Variants in CA10 observed in about 807,000 individuals in gnomAD.
CA10 encodes the protein carbonic anhydrase-related protein 10.
In CA10, 14 loss-of-function variants were observed where a neutral mutation model predicts 44.2. The observed-to-expected ratio is 0.32, with a 90% CI of 0.21 to 0.50. CA10 has a LOEUF of 0.50. CA10 is among the 20% of genes least tolerant of loss of function. CA10 has a pLI of 0.99. For missense variants in CA10, 350 were observed against 409.7 expected, an observed-to-expected ratio of 0.85 and a Z score of 1.26; for synonymous variants, 159 against 141.6, an observed-to-expected ratio of 1.12 and a Z score of -0.87.
intron 1 of CA10, among the ~76,000 whole-genome samples, chr17:52,091,971 C>T (rs1040931645): frequency 2.0e-5 from 3 of 152,198 alleles, no homozygotes; most frequent in African/African-American, 7.2e-5. Flanking sequence ...CTATGCTCTT[C>T]ACATAGGGCT....
chr17:51,975,504 C>T (rs1984430505), intron 2 of CA10, among the ~76,000 whole-genome samples: 2 of 152,272 alleles, frequency 1.3e-5, no homozygotes, highest in African/African-American at 4.8e-5. Context: ...CATGGTGAAA[C>T]CCCGTCTCTA....
rs1054911647 is a variant in CA10 at position 51,720,995 on chromosome 17, T to A, written c.465+26638A>T. ...ATGCCTAGATCAAAACATCACATTG[T>A]ATCCCACATATATACACAATTATTA... On this transcript the variant is annotated intron_variant, in intron 4 of 8. Transcript: ENST00000451037. 3.3e-5 allele frequency among the ~76,000 whole-genome samples: 5 copies of A among 152,346 alleles called. No homozygotes were observed. In the South Asian group the frequency reaches 1.0e-3, roughly 32 times the overall value.
chr17:51,979,079 G>T (rs756189000), intron 2 of CA10, among the ~76,000 whole-genome samples: 3 of 151,980 alleles, frequency 2.0e-5, no homozygotes, highest in Admixed American at 6.6e-5. Context: ...AGCATGTGGT[G>T]TCTCCTTCTC....
chr17:52,099,287 C>A (rs776170532), intron 1 of CA10, among the ~76,000 whole-genome samples: 1 of 152,240 alleles, frequency 6.6e-6, no homozygotes, highest in East Asian at 1.9e-4. Flanking sequence ...TGGGATAGAA[C>A]ACACTGACAT....
chr17:51,645,217 T>C (rs1392151356), intron 6 of CA10, among the ~76,000 whole-genome samples: 2 of 152,182 alleles, frequency 1.3e-5, no homozygotes, highest in Non-Finnish European at 2.9e-5. Flanking sequence ...CCTCTTCTAT[T>C]GTGGACTCTG....
Position 51,924,030 on chromosome 17 carries a change from C to G in CA10, c.279+6960G>C, listed in dbSNP as rs573394738. Among the ~76,000 whole-genome samples, 32 of 152,156 alleles carry G rather than the reference C, an allele frequency of 2.1e-4. No homozygotes were observed. In the South Asian group the frequency reaches 6.6e-3, roughly 32 times the overall value. On this transcript the variant is annotated intron_variant, in intron 3 of 8. Transcript: ENST00000451037. ...AGTATATTTGTCTTACTATTCCTTA[C>G]AAGGAAAGCGATATTAATATTACAG...
intron 2 of CA10, among the ~76,000 whole-genome samples, chr17:51,932,919 A>T (rs968751708): frequency 1.3e-5 from 2 of 152,008 alleles, no homozygotes; most frequent in African/African-American, 2.4e-5. Flanking sequence ...TTTAAAAAAA[A>T]CACTGACTTG....
chr17:51,692,123 A>C (rs757152991), intron 4 of CA10, among the ~76,000 whole-genome samples: 3 of 148,664 alleles, frequency 2.0e-5, no homozygotes, highest in Non-Finnish European at 4.4e-5. Context: ...CTTCCAGCTC[A>C]TGAGCATGGG....
At chr17:51,690,911 C>CT (rs143224092) in intron 4 of CA10, among the ~76,000 whole-genome samples, 23 of 151,068 alleles carry the variant, frequency 1.5e-4, no homozygotes, top group South Asian at 8.4e-4. Flanking sequence ...AATTTCCTTC[C>CT]TTTTTTTTTA....
intron 2 of CA10, among the ~76,000 whole-genome samples, chr17:52,030,974 T>C (rs1447928890): frequency 6.6e-6 from 1 of 152,168 alleles, no homozygotes; most frequent in Non-Finnish European, 1.5e-5. Context: ...GAGGATATCA[T>C]GGGACTTCTC....
chr17:51,783,031 C>G (rs1382385594), intron 3 of CA10, among the ~76,000 whole-genome samples: 1 of 152,192 alleles, frequency 6.6e-6, no homozygotes, highest in Non-Finnish European at 1.5e-5. Context: ...TGCTTGCAAC[C>G]ATGAATGCTG....
At chr17:51,918,302 T>C (rs1275610921) in intron 3 of CA10, among the ~76,000 whole-genome samples, 1 of 152,176 alleles carries the variant, frequency 6.6e-6, no homozygotes, top group East Asian at 1.9e-4. Flanking sequence ...TGGCTTTTCC[T>C]TAACTTAAAA....
At chr17:51,863,409 C>G (rs1354761740) in intron 3 of CA10, among the ~76,000 whole-genome samples, 1 of 152,216 alleles carries the variant, frequency 6.6e-6, no homozygotes, top group East Asian at 1.9e-4. Context: ...GGACCTTGCT[C>G]TTTCATGACA....
chr17:51,942,538 T>TTATATATATATATATATATATATA lies in CA10; in HGVS notation c.137-11407_137-11406insTATATATATATATATATATATATA, dbSNP rs10549926. On this transcript the variant is annotated intron_variant, in intron 2 of 8. Transcript: ENST00000451037. ...AGCCAGGAAGGAAATCTTGCAGGCA[T>TTATATATATATATATATATATATA]TATATATATATATATATCTGTCATC... Among the ~76,000 whole-genome samples the TTATATATATATATATATATATATA allele has an allele frequency of 6.7e-4, 90 of 135,204 alleles. 2 individuals are homozygous for TTATATATATATATATATATATATA. Among genetic ancestry groups the TTATATATATATATATATATATATA allele is most frequent in the South Asian group, 5.7e-3 (20 of 3,520 alleles). 88.7% of individuals were successfully genotyped at this position (135,204 alleles called of 152,430 possible).
intron 4 of CA10, among the ~76,000 whole-genome samples, chr17:51,717,829 G>GTATA (rs55932655): frequency 0.057 from 451 of 7,896 alleles, 66 homozygotes; most frequent in Middle Eastern, 0.1. Flanking sequence ...ATATGTGTGT[G>GTATA]TATATATATA....
chr17:52,123,204 A>G (rs1283482619), intron 1 of CA10, among the ~76,000 whole-genome samples: 1 of 152,200 alleles, frequency 6.6e-6, no homozygotes, highest in African/African-American at 2.4e-5. Flanking sequence ...AAAAATAATT[A>G]TAATGAAATA....
At chr17:51,687,375 C>T (rs1915043304) in intron 4 of CA10, among the ~76,000 whole-genome samples, 1 of 152,136 alleles carries the variant, frequency 6.6e-6, no homozygotes, top group Non-Finnish European at 1.5e-5. Flanking sequence ...ACCTACAAGC[C>T]CTCACCAGAA....
intron 3 of CA10, among the ~76,000 whole-genome samples, chr17:51,780,832 T>G (rs1310416427): frequency 6.6e-6 from 1 of 152,200 alleles, no homozygotes; most frequent in Non-Finnish European, 1.5e-5. Flanking sequence ...CTAAAGCAAG[T>G]GTCAGCAAAC....
At chr17:51,735,786 C>A in intron 4 of CA10, among the ~76,000 whole-genome samples, 1 of 149,084 alleles carries the variant, frequency 6.7e-6, no homozygotes, top group Non-Finnish European at 1.5e-5. Context: ...AACTTTATGC[C>A]AAAATAAAAA....
Sources: gnomAD v4.1 joint callset for allele counts (sites outside exome capture counted in the v4.1 genomes callset) on GRCh38, gnomAD v4.1.1 for gene constraint, MANE v1.5 for transcripts, NCBI Gene and HGNC (gene_info 2026-07-23, HGNC 2026-07-21) for gene names.